Variants in FANCL observed in about 807,000 individuals in gnomAD.
FANCL encodes the protein FA complementation group L.
FANCL carries 69 observed loss-of-function variants against 59.4 expected under a neutral mutation model. The observed-to-expected ratio is 1.16, with a 90% CI of 0.96 to 1.42. FANCL has a LOEUF of 1.42. Among genes scored for constraint, FANCL ranks in the 40% most tolerant of loss-of-function variants. FANCL has a pLI of 0.00. For missense variants in FANCL, 519 were observed against 447.2 expected, an observed-to-expected ratio of 1.16 and a Z score of -1.45; for synonymous variants, 180 against 147.1, an observed-to-expected ratio of 1.22 and a Z score of -1.62.
chr2:58,193,777 C>T (rs1434734131), intron 7 of FANCL, among the ~76,000 whole-genome samples: 3 of 152,128 alleles, frequency 2.0e-5, no homozygotes, highest in African/African-American at 7.2e-5. Context: ...TTTGCCCCAA[C>T]ACTGTGTTTG....
At chr2:58,233,201 G>T (rs1693736679) in intron 1 of FANCL, among the ~76,000 whole-genome samples, 1 of 151,906 alleles carries the variant, frequency 6.6e-6, no homozygotes, top group East Asian at 1.9e-4. Context: ...ACACAAAGGT[G>T]TAAGAACAAT....
chr2:58,198,272 A>G (rs1689642467), intron 7 of FANCL, among the ~76,000 whole-genome samples: 2 of 152,210 alleles, frequency 1.3e-5, no homozygotes, highest in Non-Finnish European at 2.9e-5. Context: ...GGCCCTACCC[A>G]CGGATTCCAC....
chr2:58,231,857 T>C (rs1693616141), intron 2 of FANCL, among the ~76,000 whole-genome samples, 197 bp downstream of exon 2: 1 of 152,206 alleles, frequency 6.6e-6, no homozygotes, highest in South Asian at 2.1e-4. Flanking sequence ...AGAACTAATG[T>C]TTAAAAGCAC....
intron 5 of FANCL, among the ~76,000 whole-genome samples, chr2:58,218,066 T>G (rs924457052): frequency 6.6e-6 from 1 of 152,038 alleles, no homozygotes; most frequent in African/African-American, 2.4e-5. Context: ...GTTTGAAAAT[T>G]AAGAGATATA....
chr2:58,159,295 T>A lies in FANCL; in HGVS notation c.*470A>T, dbSNP rs910827556. The A allele has an allele frequency of 2.2e-6, 3 of 1,367,678 alleles. No individual in the cohort carries two copies. The African/African-American group carries it at 4.4e-5, about 20-fold the overall frequency. 84.7% of individuals were successfully genotyped at this position (1,367,678 alleles called of 1,614,324 possible). ...ATTCTTACACACTACACAAAATAAATACTTGGATAACTCACGTCTAACAAA... is the reference window on the plus strand; with the variant it reads ...ATTCTTACACACTACACAAAATAAAAACTTGGATAACTCACGTCTAACAAA... On this transcript the variant is annotated 3_prime_UTR_variant, in exon 14 of 14. Transcript: ENST00000233741.
At chr2:58,196,690 A>G (rs1231179175) in intron 7 of FANCL, among the ~76,000 whole-genome samples, 1 of 152,010 alleles carries the variant, frequency 6.6e-6, no homozygotes, top group African/African-American at 2.4e-5. Flanking sequence ...ATAAAGTACT[A>G]AACAATCTTT....
chr2:58,173,692 G>T (rs1360399049), intron 7 of FANCL, among the ~76,000 whole-genome samples: 2 of 152,134 alleles, frequency 1.3e-5, no homozygotes, highest in African/African-American at 4.8e-5. Flanking sequence ...ATGCCAAATT[G>T]TAAAGACCAT....
In FANCL at chr2:58,162,172, G is replaced by T. The variant is rs137968543; in HGVS notation, c.904-534C>A. Among the ~76,000 whole-genome samples, 240 of 152,004 alleles carry T rather than the reference G, an allele frequency of 1.6e-3. 1 individual carries two copies. Among genetic ancestry groups the T allele is most frequent in the African/African-American group, 5.6e-3 (231 of 41,550 alleles). The stretch of plus-strand genomic sequence containing the variant: ...CACAATTCTGTAACTAAAGGAAAAA[G>T]AAACTCACTACCATTTAGTAGTCTA... On this transcript the variant is annotated intron_variant, in intron 11 of 13. Transcript: ENST00000233741.
At chr2:58,203,203 A>G (rs1373339606) in intron 6 of FANCL, among the ~76,000 whole-genome samples, 1 of 151,906 alleles carries the variant, frequency 6.6e-6, no homozygotes, top group East Asian at 1.9e-4. Flanking sequence ...TGTGTGTGAG[A>G]GAATTAGTCA....
In FANCL at chr2:58,166,029, C is replaced by T. The variant is rs185503348; in HGVS notation, c.541-155G>A. Reference sequence around the variant, plus strand: ...ACAGTAGTCGACTCTCCCTGCTTCACATCTCTTCCTACAGCGTTTACAGGA... The same window carrying T: ...ACAGTAGTCGACTCTCCCTGCTTCATATCTCTTCCTACAGCGTTTACAGGA... On this transcript the variant is annotated intron_variant, in intron 7 of 13. Transcript: ENST00000233741. 4.6e-5 allele frequency among the ~76,000 whole-genome samples: 7 copies of T among 152,314 alleles called. No individual in the cohort carries two copies. The East Asian group carries it at 1.3e-3, about 29-fold the overall frequency.
intron 7 of FANCL, among the ~76,000 whole-genome samples, chr2:58,186,513 C>T (rs898371443): frequency 6.6e-6 from 1 of 152,146 alleles, no homozygotes; most frequent in Non-Finnish European, 1.5e-5. Context: ...TAAGGATGTG[C>T]TTTCAAGCTG....
At chr2:58,234,954 C>A (rs1328956665) in intron 1 of FANCL, among the ~76,000 whole-genome samples, 1 of 151,784 alleles carries the variant, frequency 6.6e-6, no homozygotes, top group Admixed American at 6.6e-5. Flanking sequence ...CAATAGGCAG[C>A]GAGGACAGTG....
chr2:58,225,186 T>C (rs911611190), intron 4 of FANCL, among the ~76,000 whole-genome samples: 34 of 151,162 alleles, frequency 2.2e-4, no homozygotes, highest in Admixed American at 6.6e-4. Context: ...AATAAAAAAA[T>C]TAATTAAATA....
Position 58,204,165 on chromosome 2 carries a change from T to C in FANCL, c.436A>G (p.Arg146Gly), listed in dbSNP as rs369876807. 2 of 1,613,192 alleles carry C rather than the reference T, an allele frequency of 1.2e-6. No individual in the cohort carries two copies. The highest frequency in any genetic ancestry group is 1.7e-6 in the Non-Finnish European group (2 of 1,179,376). Residue 146 changes from arginine (R) to glycine (G), a missense_variant, in exon 6 of 14, where the codon AGA becomes GGA. By Grantham distance (125) the Arg-to-Gly change is moderately radical. Coordinates refer to ENST00000233741, the MANE Select transcript of FANCL (RefSeq NM_018062.4). The part of the protein sequence containing the change: ...IKLKAEDASG[R>G]EHLITLKLKA... ...AACTTGAGAGTGATTAAATGCTCTC[T>C]ACCAGAAGCATCTTCTGCTTTTAAC...
At chr2:58,194,263 T>C (rs1286161806) in intron 7 of FANCL, 5 of 471,106 alleles carry the variant, frequency 1.1e-5, no homozygotes, top group South Asian at 7.7e-5. Context: ...CATTTTTGCT[T>C]GATCAGTGAC....
In FANCL at chr2:58,168,820, A is replaced by G. The variant is rs1007438947; in HGVS notation, c.541-2946T>C. ...ACGTGGTTTACCCCTCACAGTGTAT[A>G]CAATGCCACGAGGAAGCTGGAACTG... On this transcript the variant is annotated intron_variant, in intron 7 of 13. Coordinates refer to ENST00000233741, the MANE Select transcript of FANCL (RefSeq NM_018062.4). Among the ~76,000 whole-genome samples, 8 of 152,140 alleles carry G rather than the reference A, an allele frequency of 5.3e-5. No homozygotes were observed. In the South Asian group the frequency reaches 1.2e-3, roughly 24 times the overall value.
intron 7 of FANCL, among the ~76,000 whole-genome samples, chr2:58,194,045 T>G (rs1224458084): frequency 3.9e-5 from 6 of 152,116 alleles, no homozygotes; most frequent in Non-Finnish European, 4.4e-5. Context: ...ACCATCAGAT[T>G]ATCAGCCAGA....
chr2:58,213,976 TC>T, intron 5 of FANCL, among the ~76,000 whole-genome samples: 1 of 152,204 alleles, frequency 6.6e-6, no homozygotes, highest in East Asian at 1.9e-4. Context: ...CTAGGGAGCA[TC>T]ATTCACACAG....
intron 7 of FANCL, among the ~76,000 whole-genome samples, chr2:58,172,895 T>C (rs543158395): frequency 6.6e-6 from 1 of 152,168 alleles, no homozygotes; most frequent in South Asian, 2.1e-4. Flanking sequence ...TTGAAAAAAA[T>C]TTAGACGAAT....
Sources: allele counts gnomAD v4.1 joint callset (sites outside exome capture counted in the v4.1 genomes callset), GRCh38; gene constraint gnomAD v4.1.1; transcripts MANE v1.5; gene names NCBI Gene and HGNC (gene_info 2026-07-23, HGNC 2026-07-21).